The following ZER1 variants were observed in gnomAD, a reference collection of about 807,000 sequenced individuals.
The protein encoded by ZER1 is zyg-11 related cell cycle regulator, also known as protein zer-1 homolog.
In ZER1, 11 loss-of-function variants were observed where a neutral mutation model predicts 78.8. The observed-to-expected ratio is 0.14, with a 90% confidence interval of 0.09 to 0.23. The LOEUF is 0.23. Among genes scored for constraint, ZER1 ranks in the 10% least tolerant of loss-of-function variants. The probability of loss-of-function intolerance (pLI) is 1.00; values close to 1 mark genes in which losing one functional copy is unlikely to be tolerated. For missense variants in ZER1, 588 were observed against 996.9 expected, an observed-to-expected ratio of 0.59 and a Z score of 5.52; for synonymous variants, 400 against 407.0, an observed-to-expected ratio of 0.98 and a Z score of 0.21.
intron 13 of ZER1, among the ~76,000 whole-genome samples, chr9:128,735,952 AT>A (rs1190002597): frequency 1.4e-5 from 2 of 146,924 alleles, no homozygotes; most frequent in African/African-American, 2.5e-5. Flanking sequence ...TAATTTTTGC[AT>A]TTTTTTTTCT....
intron 8 of ZER1, chr9:128,745,961 TC>T (rs1322345285): frequency 6.6e-6 from 1 of 152,082 alleles, no homozygotes; most frequent in Non-Finnish European, 1.5e-5. Context: ...TGCCTCAGCC[TC>T]CCTAGTAGCT....
At chr9:128,745,199 G>GTT (rs570009551) in intron 8 of ZER1, among the ~76,000 whole-genome samples, 2,599 of 128,456 alleles carry the variant, frequency 0.02, 135 homozygotes, top group African/African-American at 0.073. Flanking sequence ...ATTTGTTTGG[G>GTT]TTTTTTTTTT....
chr9:128,747,780 G>A (rs769527105), intron 8 of ZER1, among the ~76,000 whole-genome samples: 3 of 151,958 alleles, frequency 2.0e-5, no homozygotes, highest in African/African-American at 7.3e-5. Context: ...CAGTATGCCC[G>A]GCTAATTTTT....
intron 9 of ZER1, 46 bp downstream of exon 9, chr9:128,742,484 G>A (rs769076517): frequency 1.9e-6 from 3 of 1,605,434 alleles, no homozygotes; most frequent in Non-Finnish European, 2.6e-6. Flanking sequence ...GGGTGGGGGA[G>A]AGCAGTGAGG....
At chr9:128,772,034 G>A (rs1180049249), upstream of ZER1, 2 of 152,262 alleles carry the variant, frequency 1.3e-5, no homozygotes, top group Non-Finnish European at 2.9e-5. Context: ...GGGGACCGGC[G>A]GGCGGCTCCT....
At chr9:128,760,070 G>A (rs1183523897) in intron 1 of ZER1, among the ~76,000 whole-genome samples, 1 of 152,058 alleles carries the variant, frequency 6.6e-6, no homozygotes, top group Non-Finnish European at 1.5e-5. Flanking sequence ...AGTAAAGACA[G>A]GGTCTTTCTG....
chr9:128,764,139 G>A (rs898620649), intron 1 of ZER1, among the ~76,000 whole-genome samples: 2 of 152,230 alleles, frequency 1.3e-5, no homozygotes, highest in South Asian at 4.2e-4. Flanking sequence ...TTGGCACTAC[G>A]GGCCCAGGTC....
Position 128,742,437 on chromosome 9 carries a change from C to T in ZER1, c.1575+93G>A, listed in dbSNP as rs1863332830. 28 of 1,469,956 alleles carry T rather than the reference C, an allele frequency of 1.9e-5. No homozygotes were observed. In the South Asian group the frequency reaches 2.6e-4, roughly 14 times the overall value. The allele number at this position is 1,469,956 out of a possible 1,614,324, so 91.1% of individuals were successfully genotyped here. The stretch of plus-strand genomic sequence containing the variant: ...ACACTCTCCCTCTCCGACTCCCAGC[C>T]CCAGGCCCTGCTCTGAGACTCTCGC... On this transcript the variant is annotated intron_variant, in intron 9 of 15. Coordinates refer to ENST00000291900, the MANE Select transcript of ZER1 (RefSeq NM_006336.4).
In ZER1 at chr9:128,751,032, G is replaced by A; in HGVS notation, c.1185+90C>T. The A allele has an allele frequency of 1.3e-6, 2 of 1,497,624 alleles. No homozygotes were observed. Among genetic ancestry groups the A allele is most frequent in the Non-Finnish European group, 1.8e-6 (2 of 1,124,884 alleles). 92.8% of individuals were successfully genotyped at this position (1,497,624 alleles called of 1,614,324 possible). ...GGGCCCTGGGGACAGGGTGCAGAAGGACACAGGCTCTGGGGACACGGCTCA... is the reference window on the plus strand; with the variant it reads ...GGGCCCTGGGGACAGGGTGCAGAAGAACACAGGCTCTGGGGACACGGCTCA... On this transcript the variant is annotated intron_variant, in intron 7 of 15. Transcript: ENST00000291900. This position sits in a 1 kb window ranked among gnomAD's most constrained non-coding sequence, Gnocchi z 5.4.
intron 7 of ZER1, among the ~76,000 whole-genome samples, 162 bp from the exon 8 acceptor site, chr9:128,750,951 G>A (rs1165947544): frequency 6.6e-6 from 1 of 152,198 alleles, no homozygotes; most frequent in African/African-American, 2.4e-5. Context: ...GACCAAACAA[G>A]GCCAGTGCTG....
In ZER1 at chr9:128,771,626, C is replaced by A; in HGVS notation, c.-140G>T. ...GCGTCGGGAAGCGGACGTGATGCTT[C>A]GCAGGCGAGGAGGAGCAGAGAATGC... On this transcript the variant is annotated 5_prime_UTR_variant, in exon 1 of 16. Transcript: ENST00000291900. The A allele has an allele frequency of 6.5e-6, 1 of 152,688 alleles. No homozygotes were observed. Among genetic ancestry groups the A allele is most frequent in the Non-Finnish European group, 1.5e-5 (1 of 68,366 alleles). The allele number at this position is 152,688 out of a possible 1,614,324, so 9.5% of individuals were successfully genotyped here.
chr9:128,751,567 A>G lies in ZER1; in HGVS notation c.924-40T>C, dbSNP rs1399734140. ...TGCCGGTGTCAGTGGCTTGGGACCC[A>G]GGCCTGAGCTGGGCCTCCCCACTGG... is the stretch of plus-strand genomic sequence containing the variant. On this transcript the variant is annotated intron_variant, in intron 5 of 15. Transcript: ENST00000291900. The surrounding 1 kb of genome is among the most constrained non-coding windows in gnomAD (Gnocchi z 5.4). 6.3e-7 allele frequency: 1 copy of G among 1,580,300 alleles called. No individual in the cohort carries two copies.
Position 128,735,253 on chromosome 9 carries a change from C to G in ZER1, c.2140+81G>C, listed in dbSNP as rs3750328. 4.1e-3 allele frequency: 5,203 copies of G among 1,275,712 alleles called. 109 individuals are homozygous for G. In the East Asian group the frequency reaches 0.046, roughly 11 times the overall value. The allele number at this position is 1,275,712 out of a possible 1,614,324, so 79.0% of individuals were successfully genotyped here. ...AGCTGACAGCAGCAATTAATGCCCC[C>G]CTCCTGGACTACAAACTCCCTGAGG... On this transcript the variant is annotated intron_variant, in intron 14 of 15. Coordinates refer to ENST00000291900, the MANE Select transcript of ZER1 (RefSeq NM_006336.4).
intron 1 of ZER1, among the ~76,000 whole-genome samples, chr9:128,756,467 T>C (rs550166780): frequency 1.6e-4 from 24 of 152,318 alleles, no homozygotes; most frequent in South Asian, 1.2e-3. Flanking sequence ...ATAGCAACAT[T>C]ATTTGTAAGA....
chr9:128,738,438 T>C (rs1195801115), intron 13 of ZER1, among the ~76,000 whole-genome samples: 2 of 150,810 alleles, frequency 1.3e-5, no homozygotes, highest in Non-Finnish European at 2.9e-5. Flanking sequence ...CAGGCTGGAG[T>C]GCAGTGGCGC....
intron 8 of ZER1, among the ~76,000 whole-genome samples, chr9:128,748,315 T>A (rs1863563049): frequency 6.8e-6 from 1 of 147,780 alleles, no homozygotes; most frequent in South Asian, 2.1e-4. Context: ...TGAGGCAGAA[T>A]AGCGTGAACC....
At chr9:128,737,615 C>T (rs1863130913) in intron 13 of ZER1, among the ~76,000 whole-genome samples, 1 of 152,174 alleles carries the variant, frequency 6.6e-6, no homozygotes, top group South Asian at 2.1e-4. Context: ...GAAATCTGTG[C>T]ATAGAAACAC....
At chr9:128,735,488 T>C (rs763580479) in intron 13 of ZER1, 57 bp from the exon 14 acceptor site, 8 of 1,531,678 alleles carry the variant, frequency 5.2e-6, no homozygotes, top group African/African-American at 1.4e-5. Context: ...GTGTGTCTTT[T>C]CTTGTCTGAG....
At chr9:128,758,554 G>C (rs1863936542) in intron 1 of ZER1, among the ~76,000 whole-genome samples, 1 of 152,028 alleles carries the variant, frequency 6.6e-6, no homozygotes, top group African/African-American at 2.4e-5. Flanking sequence ...GAGTACCTGA[G>C]ACTACAGGCA....
Sources: gnomAD v4.1 joint callset for allele counts (sites outside exome capture counted in the v4.1 genomes callset) on GRCh38, gnomAD v4.1.1 for gene constraint, Gnocchi (gnomAD v3.1) non-coding constraint, MANE v1.5 for transcripts, NCBI Gene and HGNC (gene_info 2026-07-23, HGNC 2026-07-21) for gene names.